GNB1: variants seen among roughly 807,000 people sequenced by gnomAD.
The protein encoded by GNB1 is G protein subunit beta 1, also known as guanine nucleotide-binding protein G(I)/G(S)/G(T) subunit beta-1.
A neutral mutation model predicts 42.9 loss-of-function variants in GNB1; 2 were observed. The ratio of observed to expected loss-of-function variants is 0.05; its 90% CI spans 0.02 to 0.15. The LOEUF is 0.15. GNB1 is among the 10% of genes least tolerant of loss of function. The pLI, the probability that GNB1 is intolerant of heterozygous loss-of-function variation, is 1.00. For synonymous variants in GNB1, 183 were observed against 174.7 expected, an observed-to-expected ratio of 1.05 and a Z score of -0.38; for missense variants, 193 against 462.2, an observed-to-expected ratio of 0.42 and a Z score of 5.34.
At chr1:1,877,034 C>T (rs1189114456) in intron 1 of GNB1, among the ~76,000 whole-genome samples, 2 of 152,020 alleles carry the variant, frequency 1.3e-5, no homozygotes, top group Non-Finnish European at 2.9e-5. Context: ...GGCGTGGTGG[C>T]TCATGCCTGT....
At chr1:1,888,976 A>C (rs1433076007) in intron 1 of GNB1, among the ~76,000 whole-genome samples, 1 of 152,184 alleles carries the variant, frequency 6.6e-6, no homozygotes, top group Non-Finnish European at 1.5e-5. Context: ...AGCGTTAGCA[A>C]AGAAGGAACC....
intron 1 of GNB1, among the ~76,000 whole-genome samples, chr1:1,844,676 T>C (rs1179041053): frequency 6.6e-6 from 1 of 152,162 alleles, no homozygotes; most frequent in Non-Finnish European, 1.5e-5. Flanking sequence ...GGGAAACACA[T>C]AAGTGCACCA....
At chr1:1,869,185 CAAAA>C (rs71578347) in intron 1 of GNB1, among the ~76,000 whole-genome samples, 2 of 26,746 alleles carry the variant, frequency 7.5e-5, no homozygotes, top group Non-Finnish European at 7.7e-5. Context: ...GACACCTTCT[CAAAA>C]AAAAAAAAAA....
intron 1 of GNB1, chr1:1,890,257 T>G (rs1036481143): frequency 1.3e-5 from 2 of 151,730 alleles, no homozygotes; most frequent in African/African-American, 4.8e-5. Flanking sequence ...GCGCCCGGCT[T>G]CCGCTTTAAA....
intron 3 of GNB1, among the ~76,000 whole-genome samples, chr1:1,819,262 C>A (rs1008207659): frequency 6.6e-6 from 1 of 151,554 alleles, no homozygotes; most frequent in Non-Finnish European, 1.5e-5. Context: ...CTCTGTCTTG[C>A]CCAGGCGGGA....
chr1:1,881,046 T>C (rs1364417123), intron 1 of GNB1, among the ~76,000 whole-genome samples: 4 of 151,778 alleles, frequency 2.6e-5, no homozygotes, highest in Non-Finnish European at 5.9e-5. Context: ...AGCCAGGAGT[T>C]TTCCAAGGAC....
At chr1:1,817,906 A>T in intron 3 of GNB1, 31 bp from the exon 4 acceptor site, 1 of 1,567,734 alleles carries the variant, frequency 6.4e-7, no homozygotes, top group Non-Finnish European at 8.8e-7. Context: ...GAAATTAGCA[A>T]CCTTTCAGAT....
At chr1:1,794,829 A>G (rs556773889) in intron 7 of GNB1, among the ~76,000 whole-genome samples, 2 of 152,264 alleles carry the variant, frequency 1.3e-5, no homozygotes, top group African/African-American at 4.8e-5. Flanking sequence ...AGCTGGGACT[A>G]CAGGTGCACG....
intron 3 of GNB1, among the ~76,000 whole-genome samples, chr1:1,821,892 T>G (rs1646934335): frequency 1.3e-5 from 2 of 152,210 alleles, no homozygotes; most frequent in Non-Finnish European, 2.9e-5. Context: ...GCCAGCACTT[T>G]GGGAGGCTGA....
At position 1,884,776 on chromosome 1, in the gene GNB1, G is replaced by C. The variant is rs539665758; in HGVS notation, c.-96+6044C>G. On this transcript the variant is annotated intron_variant, in intron 1 of 11. Transcript: ENST00000378609. Reference sequence around the variant, plus strand: ...CCACTCACTGCGAGGTCTGCCTCCCGGGTTCACACCATTCTCCTGCCTCAG... The same window carrying C: ...CCACTCACTGCGAGGTCTGCCTCCCCGGTTCACACCATTCTCCTGCCTCAG... Among the ~76,000 whole-genome samples the C allele has an allele frequency of 1.3e-5, 2 of 151,542 alleles. 1 individual carries two copies. Among genetic ancestry groups the C allele is most frequent in the South Asian group, 4.2e-4 (2 of 4,790 alleles).
chr1:1,800,022 AC>A (rs1313697926), intron 7 of GNB1, among the ~76,000 whole-genome samples: 2 of 152,254 alleles, frequency 1.3e-5, no homozygotes, highest in Non-Finnish European at 2.9e-5. Flanking sequence ...CACAAGAAAG[AC>A]AGAGATAGAC....
chr1:1,869,256 G>A (rs1649119766), intron 1 of GNB1, among the ~76,000 whole-genome samples: 1 of 150,348 alleles, frequency 6.7e-6, no homozygotes, highest in South Asian at 2.1e-4. Flanking sequence ...AAAGACCAGA[G>A]GCTCTAGTCA....
rs1570644021 is a variant in GNB1 at position 1,806,472 on chromosome 1, T to C, written c.267+3A>G. The C allele has an allele frequency of 6.3e-7, 1 of 1,587,938 alleles. No homozygotes were observed. Among genetic ancestry groups the C allele is most frequent in the Non-Finnish European group, 8.6e-7 (1 of 1,156,210 alleles). On this transcript the variant is annotated splice_donor_region_variant and intron_variant, in intron 6 of 11. Transcript: ENST00000378609. The stretch of plus-strand genomic sequence containing the variant: ...TCAAGGAAGGGAATCCTCCAGTCCC[T>C]ACCTTGTTGGTGGTGTAGCTGTCCC...
intron 1 of GNB1, among the ~76,000 whole-genome samples, chr1:1,850,055 G>A (rs893148802): frequency 5.3e-5 from 8 of 151,940 alleles, no homozygotes; most frequent in Admixed American, 2.6e-4. Flanking sequence ...TGCAATCTCC[G>A]CCTCCCAGGT....
At chr1:1,853,165 C>T (rs1648084364) in intron 1 of GNB1, among the ~76,000 whole-genome samples, 1 of 152,158 alleles carries the variant, frequency 6.6e-6, no homozygotes, top group Admixed American at 6.5e-5. Flanking sequence ...CTTTGCCTGG[C>T]CCGTTACTAA....
intron 1 of GNB1, among the ~76,000 whole-genome samples, chr1:1,848,863 T>G (rs924766406): frequency 6.6e-6 from 1 of 152,214 alleles, no homozygotes; most frequent in Non-Finnish European, 1.5e-5. Flanking sequence ...TTCTACATGT[T>G]TTTTGAAGAC....
At chr1:1,797,196 T>A (rs989158090) in intron 7 of GNB1, among the ~76,000 whole-genome samples, 7 of 152,186 alleles carry the variant, frequency 4.6e-5, no homozygotes, top group African/African-American at 1.7e-4. Flanking sequence ...TGGCGTTTGC[T>A]GCAGCAATGT....
rs751367871 is a variant in GNB1, at chr1:1,817,796, C to CA, written c.96+40_96+41insT. The stretch of plus-strand genomic sequence containing the variant: ...CAGGTGTGGGTGCCGTGCTAGCCTC[C>CA]TCACAGGCAGATGGCTCTGCGTGAC... On this transcript the variant is annotated intron_variant, in intron 4 of 11. Transcript: ENST00000378609. 4.0e-6 allele frequency: 6 copies of CA among 1,510,760 alleles called. No individual in the cohort carries two copies. In the African/African-American group the frequency reaches 8.2e-5, roughly 21 times the overall value. The allele number at this position is 1,510,760 out of a possible 1,614,324, so 93.6% of individuals were successfully genotyped here.
intron 1 of GNB1, among the ~76,000 whole-genome samples, chr1:1,874,180 G>A (rs75350277): frequency 1.4e-3 from 212 of 152,096 alleles, no homozygotes; most frequent in Middle Eastern, 3.4e-3. Flanking sequence ...TAAACACAAC[G>A]CGCCTCCTGG....
Sources: allele counts gnomAD v4.1 joint callset (sites outside exome capture counted in the v4.1 genomes callset), GRCh38; gene constraint gnomAD v4.1.1; transcripts MANE v1.5; gene names NCBI Gene and HGNC (gene_info 2026-07-23, HGNC 2026-07-21).